The following TTN variants were observed in gnomAD, a reference collection of about 807,000 sequenced individuals.
TTN encodes connectin.
In TTN, 1,525 loss-of-function variants were observed where a neutral mutation model predicts 3,223.0. The observed-to-expected ratio is 0.47, with a 90% CI of 0.45 to 0.49. The LOEUF (loss-of-function observed/expected upper bound fraction) is 0.49. TTN is among the 20% of genes least tolerant of loss of function. TTN has a pLI of 0.00. For synonymous variants in TTN, 14,094 were observed against 15,161.0 expected (o/e 0.93, Z 5.17); for missense variants, 40,786 against 43,424.0 (o/e 0.94, Z 5.40).
rs1364756976 is a variant in TTN, at chr2:178,800,392, T to C, written c.583+3A>G. 6.2e-7 allele frequency: 1 copy of C among 1,614,140 alleles called. No homozygotes were observed. Among genetic ancestry groups the C allele is most frequent in the East Asian group, 2.2e-5 (1 of 44,878 alleles). On this transcript the variant is annotated splice_donor_region_variant and intron_variant, in intron 4 of 362. Coordinates refer to ENST00000589042, the MANE Select transcript of TTN (RefSeq NM_001267550.2). ...TCTCTGTTCCTCAACCTCCAGCACGTACCTTGAACCAGTAATTCAGCAGTC... is the reference window on the plus strand; with the variant it reads ...TCTCTGTTCCTCAACCTCCAGCACGCACCTTGAACCAGTAATTCAGCAGTC...
At chr2:178,715,331 C>T in intron 89 of TTN, 67 bp from the exon 90 acceptor site, 1 of 1,521,280 alleles carries the variant, frequency 6.6e-7, no homozygotes, top group Non-Finnish European at 8.8e-7. Context: ...AAGAATCAAT[C>T]TTCCACTCCA....
Position 178,779,347 on chromosome 2 carries a change from T to C in TTN, c.3845A>G (p.Asp1282Gly), listed in dbSNP as rs2092558248. The C allele has an allele frequency of 6.2e-7, 1 of 1,612,346 alleles. No homozygotes were observed. The highest frequency in any genetic ancestry group is 1.1e-5 in the South Asian group (1 of 91,022). The part of the protein sequence containing the change: ...EEDGEEKMAV[D>G]ISESEAVESG... ...TTCAACAGCTTCAGATTCAGAAATG[T>C]CAACTGCCATCTTTTCTTCTCCATC... The change falls in exon 23 of 363, where the codon GAC becomes GGC. Residue 1282 changes from aspartate (D) to glycine (G), a missense_variant. Asp to Gly is a moderately conservative substitution (Grantham distance 94). Transcript: ENST00000589042.
chr2:178,543,007 C>G lies in TTN; in HGVS notation c.96905-58G>C, dbSNP rs1478116026. The G allele has an allele frequency of 4.6e-6, 7 of 1,528,564 alleles. No individual in the cohort carries two copies. The African/African-American group carries it at 8.4e-5, about 18-fold the overall frequency. The allele number at this position is 1,528,564 out of a possible 1,614,324, so 94.7% of individuals were successfully genotyped here. Reference sequence around the variant, plus strand: ...GCATTATTTTTATGGTAAATTGTTACGAATTCTGAATGTTTTCATTTTACT... The same window carrying G: ...GCATTATTTTTATGGTAAATTGTTAGGAATTCTGAATGTTTTCATTTTACT... On this transcript the variant is annotated intron_variant, in intron 347 of 362. Transcript: ENST00000589042.
In TTN at chr2:178,718,102, T is replaced by C; in HGVS notation, c.24904A>G (p.Thr8302Ala). The change falls in exon 86 of 363, where the codon ACA becomes GCA. Residue 8302 changes from threonine (T) to alanine (A), a missense_variant. Thr to Ala is a moderately conservative substitution (Grantham distance 58). Coordinates refer to ENST00000589042, the MANE Select transcript of TTN (RefSeq NM_001267550.2). ...TATGCAGGAGCTGATCGTAGCTTTGTGTGTTCTTTATACCAAGAAATTCTA... is the reference window on the plus strand; with the variant it reads ...TATGCAGGAGCTGATCGTAGCTTTGCGTGTTCTTTATACCAAGAAATTCTA... ...EIRISWYKEH[T>A]KLRSAPAYKM... The C allele has an allele frequency of 6.2e-7, 1 of 1,612,940 alleles. No homozygotes were observed. The highest frequency in any genetic ancestry group is 1.1e-5 in the South Asian group (1 of 91,064).
intron 37 of TTN, among the ~76,000 whole-genome samples, chr2:178,769,399 G>C (rs1363723633): frequency 2.0e-5 from 3 of 151,812 alleles, no homozygotes; most frequent in Admixed American, 2.0e-4. Context: ...GACTACAAGT[G>C]TGTGCCACCA....
rs749445039 is a variant in TTN, at chr2:178,615,488, C to T, written c.48461-4G>A. 9.9e-6 allele frequency: 16 copies of T among 1,610,300 alleles called. No homozygotes were observed. The highest frequency in any genetic ancestry group is 1.3e-5 in the African/African-American group (1 of 74,698). On this transcript the variant is annotated splice_polypyrimidine_tract_variant and splice_region_variant and intron_variant, in intron 258 of 362. Transcript: ENST00000589042. ...TTCTCTGGTGGGTCAGGTACCGCTA[C>T]AACATTTGGAAGAGAGAGTCAGTCT... is the stretch of plus-strand genomic sequence containing the variant.
In TTN at chr2:178,594,375, G is replaced by A. The variant is rs2050953090; in HGVS notation, c.58119C>T (p.Cys19373=). ...CATCCTTGCAAGTAATTGGTTTGGTGCAAAATGATGGTTTGCCTTGTCCAA... is the reference window on the plus strand; with the variant it reads ...CATCCTTGCAAGTAATTGGTTTGGTACAAAATGATGGTTTGCCTTGTCCAA... ...NIVGQGKPSF[C]TKPITCKDEL... Residue 19373 remains cysteine, a synonymous_variant, in exon 296 of 363, where the codon TGC becomes TGT. Coordinates refer to ENST00000589042, the MANE Select transcript of TTN (RefSeq NM_001267550.2). The A allele has an allele frequency of 2.5e-6, 4 of 1,598,490 alleles. No individual in the cohort carries two copies. The South Asian group carries it at 4.5e-5, about 18-fold the overall frequency.
intron 113 of TTN, 35 bp from the exon 114 acceptor site, chr2:178,696,304 T>G: frequency 6.9e-7 from 1 of 1,454,268 alleles, no homozygotes; most frequent in Non-Finnish European, 9.0e-7. Flanking sequence ...GCATATTAAT[T>G]CTATCCATCC....
rs1560903698 is a variant in TTN, at chr2:178,740,140, C to T, written c.13093G>A (p.Ala4365Thr). 6.2e-7 allele frequency: 1 copy of T among 1,613,828 alleles called. No homozygotes were observed. Residue 4365 changes from alanine (A) to threonine (T), a missense_variant, in exon 48 of 363, where the codon GCA becomes ACA. By Grantham distance (58) the Ala-to-Thr change is moderately conservative (BLOSUM62 0). Transcript: ENST00000589042. ...QIIESKREPV[A>T]IKKVQEVQGR... ...TGTACCTCCTGCACTTTCTTTATTGCCACGGGCTCTCTTTTAGACTCAATG... is the reference window on the plus strand; with the variant it reads ...TGTACCTCCTGCACTTTCTTTATTGTCACGGGCTCTCTTTTAGACTCAATG...
rs1429436042 is a variant in TTN at position 178,616,929 on chromosome 2, G to A, written c.47960C>T (p.Thr15987Ile). 3.1e-6 allele frequency: 5 copies of A among 1,612,514 alleles called. No individual in the cohort carries two copies. In the African/African-American group the frequency reaches 6.7e-5, roughly 22 times the overall value. The change falls in exon 256 of 363, where the codon ACA becomes ATA. Residue 15987 changes from threonine to isoleucine, a missense_variant. Physicochemically the swap from Thr to Ile is moderately conservative, Grantham distance 89. Coordinates refer to ENST00000589042, the MANE Select transcript of TTN (RefSeq NM_001267550.2). ...PNPITILVPS[T>I]GYPRPTATWC... The stretch of plus-strand genomic sequence containing the variant: ...GGTTGCAGTTGGCCTTGGATAGCCT[G>A]TACTTGGAACCAGGATCGTGATAGG...
Position 178,776,406 on chromosome 2 carries a change from C to T in TTN, c.5458G>A (p.Glu1820Lys). The T allele has an allele frequency of 6.2e-7, 1 of 1,612,032 alleles. No homozygotes were observed. Reference protein sequence around the residue: ...RKGLQRIEELERMAHEGALTG... With the variant: ...RKGLQRIEELKRMAHEGALTG... Reference sequence around the variant, plus strand: ...AGTGCACCTTCATGAGCCATTCTCTCTAATTCTTCAATTCTCTGTAAGCCT... The same window carrying T: ...AGTGCACCTTCATGAGCCATTCTCTTTAATTCTTCAATTCTCTGTAAGCCT... Residue 1820 changes from glutamate (E) to lysine (K), a missense_variant, in exon 28 of 363, where the codon GAG (glutamate) becomes AAG (lysine). Transcript: ENST00000589042.
intron 78 of TTN, 25 bp from the exon 79 acceptor site, chr2:178,721,227 G>A (rs1243852986): frequency 6.5e-7 from 1 of 1,536,184 alleles, no homozygotes; most frequent in Non-Finnish European, 8.8e-7. Context: ...AAAACAGTCA[G>A]TAAGGGATAT....
intron 350 of TTN, 124 bp from the exon 351 acceptor site, chr2:178,540,494 G>T: frequency 3.4e-6 from 3 of 884,954 alleles, no homozygotes; most frequent in Admixed American, 5.8e-5. Flanking sequence ...TTTTTGTCTT[G>T]TGAAAATTTT....
In TTN at chr2:178,545,457, C is replaced by A. The variant is rs72648263; in HGVS notation, c.95653G>T (p.Ala31885Ser). ...EGCDYQFRVT[A>S]VNAAGNSEPS... ...TCACTGTTACCAGCTGCATTCACTGCGGTCACCCGGAACTGGTAATCACAA... is the reference window on the plus strand; with the variant it reads ...TCACTGTTACCAGCTGCATTCACTGAGGTCACCCGGAACTGGTAATCACAA... The change falls in exon 344 of 363, where the codon GCA (alanine) becomes TCA (serine). Residue 31885 changes from alanine (A) to serine (S), a missense_variant. Ala to Ser is a moderately conservative substitution (Grantham distance 99). Coordinates refer to ENST00000589042, the MANE Select transcript of TTN (RefSeq NM_001267550.2). 3 of 1,611,172 alleles carry A rather than the reference C, an allele frequency of 1.9e-6. No homozygotes were observed. The South Asian group carries it at 3.3e-5, about 18-fold the overall frequency.
Position 178,552,870 on chromosome 2 carries a change from T to G in TTN, c.90030A>C (p.Glu30010Asp), listed in dbSNP as rs1481370261. The G allele has an allele frequency of 6.2e-7, 1 of 1,613,712 alleles. No homozygotes were observed. The highest frequency in any genetic ancestry group is 1.7e-5 in the Admixed American group (1 of 59,982). ...AGGGTTCCCCAATTCCAATTTCATT[T>G]TCTGCAAGAACTCTGAAGAAGAATG... ...KTPFFFRVLA[E>D]NEIGIGEPCE... The change falls in exon 335 of 363, where the codon GAA becomes GAC. Residue 30010 changes from glutamate to aspartate, a missense_variant. Coordinates refer to ENST00000589042, the MANE Select transcript of TTN (RefSeq NM_001267550.2).
At position 178,674,330 on chromosome 2, in the gene TTN, C is replaced by T. The variant is rs1266497979; in HGVS notation, c.34692G>A (p.Glu11564=). Residue 11564 remains glutamate (E), a synonymous_variant, in exon 151 of 363, where the codon GAG becomes GAA. Transcript: ENST00000589042. The stretch of plus-strand genomic sequence containing the variant: ...CGGTTATACCTCTAGGTGGTGCCAC[C>T]TCTTCAACTTCCTCTATGCTAGGTG... The part of the protein sequence containing the change: ...EEPPSIEEVE[E]VAPPRVPEVI... 6.3e-7 allele frequency: 1 copy of T among 1,592,054 alleles called. No homozygotes were observed.
At position 178,551,701 on chromosome 2, in the gene TTN, T is replaced by A. The variant is rs376494747; in HGVS notation, c.91199A>T (p.Tyr30400Phe). The A allele has an allele frequency of 4.5e-5, 73 of 1,613,278 alleles. No individual in the cohort carries two copies. Among genetic ancestry groups the A allele is most frequent in the Middle Eastern group, 1.6e-4 (1 of 6,078 alleles). ...VEGLDYQFRV[Y>F]AENSAGLSSP... ...GCTTAGGCCAGCAGAATTTTCAGCA[T>A]ATACACGGAATTGGTAATCCAGACC... Residue 30400 changes from tyrosine to phenylalanine, a missense_variant, in exon 335 of 363, where the codon TAT becomes TTT. Physicochemically the swap from Tyr to Phe is conservative, Grantham distance 22 (BLOSUM62 3). Coordinates refer to ENST00000589042, the MANE Select transcript of TTN (RefSeq NM_001267550.2).
At position 178,692,457 on chromosome 2, in the gene TTN, T is replaced by C. The variant is rs72650022; in HGVS notation, c.31678+40A>G. The C allele has an allele frequency of 3.2e-3, 4,811 of 1,509,338 alleles. 138 individuals are homozygous for C. In the African/African-American group the frequency reaches 0.06, roughly 19 times the overall value. The allele number at this position is 1,509,338 out of a possible 1,614,324, so 93.5% of individuals were successfully genotyped here. ...AGATCTTATAGAAAAAGATACAAGATGGATGCTAAGAATTATTTTTTTCAC... is the reference window on the plus strand; with the variant it reads ...AGATCTTATAGAAAAAGATACAAGACGGATGCTAAGAATTATTTTTTTCAC... On this transcript the variant is annotated intron_variant, in intron 120 of 362. Coordinates refer to ENST00000589042, the MANE Select transcript of TTN (RefSeq NM_001267550.2).
At position 178,553,539 on chromosome 2, in the gene TTN, T is replaced by C. The variant is rs754018369; in HGVS notation, c.89466A>G (p.Ile29822Met). 6.2e-7 allele frequency: 1 copy of C among 1,613,732 alleles called. No homozygotes were observed. The highest frequency in any genetic ancestry group is 1.1e-5 in the South Asian group (1 of 91,048). ...TAGCTTGTACAGGTTCATTCATTTC[T>C]ATAGGTTCTCCTTGTCCAGCACAGT... ...AVNCAGQGEP[I>M]EMNEPVQAKD... is the part of the protein sequence containing the mutation. Residue 29822 changes from isoleucine to methionine, a missense_variant, in exon 334 of 363, where the codon ATA becomes ATG. Transcript: ENST00000589042.
Sources: gnomAD v4.1 joint callset for allele counts (sites outside exome capture counted in the v4.1 genomes callset) on GRCh38, gnomAD v4.1.1 for gene constraint, MANE v1.5 for transcripts, NCBI Gene and HGNC (gene_info 2026-07-23, HGNC 2026-07-21) for gene names.